The following TOP1 variants were observed in gnomAD, a reference collection of about 807,000 sequenced individuals.
The protein encoded by TOP1 is DNA topoisomerase I.
TOP1 carries 10 observed loss-of-function variants against 111.1 expected under a neutral mutation model. The ratio of observed to expected loss-of-function variants is 0.09; its 90% CI spans 0.06 to 0.15. The LOEUF is 0.15. Ranked by LOEUF, TOP1 falls within the 10% of genes least tolerant of loss-of-function variation. The pLI is 1.00. For synonymous variants in TOP1, 271 were observed against 302.9 expected (o/e 0.89, Z 1.10); for missense variants, 474 against 926.7 (o/e 0.51, Z 6.34).
rs1251572057 is a variant in TOP1 at position 41,080,863 on chromosome 20, AT to A, written c.432-294del. ...CTTTTATTTTTATTTATTTTATTTT[AT>A]TTTTTTTCCCAGACTTTCATCTGAT... On this transcript the variant is annotated intron_variant, in intron 6 of 20. Coordinates refer to ENST00000361337, the MANE Select transcript of TOP1 (RefSeq NM_003286.4). This position sits in a 1 kb window ranked among gnomAD's most constrained non-coding sequence, Gnocchi z 5.0. Among the ~76,000 whole-genome samples, 7 of 150,916 alleles carry A rather than the reference AT, an allele frequency of 4.6e-5. No homozygotes were observed. Among genetic ancestry groups the A allele is most frequent in the African/African-American group, 1.7e-4 (7 of 41,028 alleles).
Position 41,118,300 on chromosome 20 carries a change from T to C in TOP1, c.1950+4T>C, listed in dbSNP as rs904833859. 1 of 1,613,970 alleles carries C rather than the reference T, an allele frequency of 6.2e-7. No individual in the cohort carries two copies. Among genetic ancestry groups the C allele is most frequent in the African/African-American group, 1.3e-5 (1 of 75,030 alleles). ...TATGATGAACTTGCAAACTAAGGTA[T>C]CTTGGATAAAATGAAGGGAACTGTG... On this transcript the variant is annotated splice_donor_region_variant and intron_variant, in intron 18 of 20. Transcript: ENST00000361337. The surrounding 1 kb of genome is among the most constrained non-coding windows in gnomAD (Gnocchi z 4.6).
At position 41,121,130 on chromosome 20, in the gene TOP1, G is replaced by A. The variant is rs1048726662; in HGVS notation, c.1951-566G>A. Among the ~76,000 whole-genome samples the A allele has an allele frequency of 6.6e-6, 1 of 152,114 alleles. No homozygotes were observed. The highest frequency in any genetic ancestry group is 1.5e-5 in the Non-Finnish European group (1 of 68,022). Reference sequence around the variant, plus strand: ...ACTGGCTGAGCTGTTTGGCTTCCTGGGTGTCTTTTAATTGCCAGTTTGTAG... The same window carrying A: ...ACTGGCTGAGCTGTTTGGCTTCCTGAGTGTCTTTTAATTGCCAGTTTGTAG... On this transcript the variant is annotated intron_variant, in intron 18 of 20. Transcript: ENST00000361337. The surrounding 1 kb of genome is among the most constrained non-coding windows in gnomAD (Gnocchi z 4.2).
intron 18 of TOP1, among the ~76,000 whole-genome samples, chr20:41,119,984 G>A (rs1013631433): frequency 1.3e-5 from 2 of 152,310 alleles, no homozygotes; most frequent in South Asian, 4.1e-4. Flanking sequence ...TGTTGCTCTC[G>A]CTCTGGAACC....
At chr20:41,049,806 T>A (rs1200643112) in intron 2 of TOP1, among the ~76,000 whole-genome samples, 1 of 152,264 alleles carries the variant, frequency 6.6e-6, no homozygotes, top group African/African-American at 2.4e-5. Context: ...GAACTATTTA[T>A]ACTTGTCTGC....
chr20:41,031,446 A>C (rs2033118689), intron 2 of TOP1, among the ~76,000 whole-genome samples: 1 of 152,232 alleles, frequency 6.6e-6, no homozygotes, highest in East Asian at 1.9e-4. Flanking sequence ...AGTCACGTGA[A>C]TGATTGTGAG....
chr20:41,113,094 G>A (rs1350602517), intron 14 of TOP1, among the ~76,000 whole-genome samples, 169 bp downstream of exon 14: 21 of 152,206 alleles, frequency 1.4e-4, no homozygotes, highest in Admixed American at 2.6e-4. Flanking sequence ...CTTACTGTGA[G>A]CAGTAGATTC....
intron 4 of TOP1, 118 bp downstream of exon 4, chr20:41,076,412 CAGG>C: frequency 7.1e-7 from 1 of 1,399,428 alleles, no homozygotes; most frequent in Non-Finnish European, 9.5e-7. Context: ...GGTTTCTTGT[CAGG>C]AGAATTTAGA....
intron 11 of TOP1, among the ~76,000 whole-genome samples, chr20:41,099,291 A>C (rs1484537077): frequency 2.0e-5 from 3 of 152,178 alleles, no homozygotes; most frequent in African/African-American, 7.2e-5. Context: ...AAGTTAGTGA[A>C]ATTTAGTATA....
intron 2 of TOP1, among the ~76,000 whole-genome samples, chr20:41,055,184 G>A (rs1009856560): frequency 1.3e-5 from 2 of 152,202 alleles, no homozygotes; most frequent in Non-Finnish European, 2.9e-5. Context: ...TTACTAGAAA[G>A]CATTAGTTGG....
At chr20:41,041,305 C>A (rs575912020) in intron 2 of TOP1, among the ~76,000 whole-genome samples, 25 of 151,938 alleles carry the variant, frequency 1.6e-4, no homozygotes, top group Admixed American at 1.4e-3. Context: ...CAAAAATTAG[C>A]CAAGCATGGT....
intron 4 of TOP1, 64 bp from the exon 5 acceptor site, chr20:41,077,518 C>A: frequency 7.4e-7 from 1 of 1,352,580 alleles, no homozygotes; most frequent in Non-Finnish European, 1.1e-6. Context: ...TACATATTCT[C>A]AAAAAGAGGT....
At position 41,052,322 on chromosome 20, in the gene TOP1, G is replaced by A. The variant is rs117495447; in HGVS notation, c.59-9072G>A. Among the ~76,000 whole-genome samples, 30 of 152,246 alleles carry A rather than the reference G, an allele frequency of 2.0e-4. No homozygotes were observed. In the East Asian group the frequency reaches 5.2e-3, roughly 26 times the overall value. On this transcript the variant is annotated intron_variant, in intron 2 of 20. Transcript: ENST00000361337. ...CTCTATCACATTAGGGTTTGGTCAT[G>A]GTCTTTTGTGCTCATCATGTTTGAA...
In TOP1 at chr20:41,067,735, A is replaced by G. The variant is rs2145930258; in HGVS notation, c.155+6245A>G. Among the ~76,000 whole-genome samples, 1 of 152,346 alleles carries G rather than the reference A, an allele frequency of 6.6e-6. No homozygotes were observed. The highest frequency in any genetic ancestry group is 3.4e-3 in the Middle Eastern group (1 of 294). On this transcript the variant is annotated intron_variant, in intron 3 of 20. Transcript: ENST00000361337. This position sits in a 1 kb window ranked among gnomAD's most constrained non-coding sequence, Gnocchi z 4.0. ...AATCATTTGTCATCAGGCTATACTT[A>G]GGACCCAAGCCCAGGAGGCATTTAC...
At position 41,092,457 on chromosome 20, in the gene TOP1, C is replaced by T. The variant is rs2033931466; in HGVS notation, c.615-15C>T. On this transcript the variant is annotated splice_polypyrimidine_tract_variant and intron_variant, in intron 8 of 20. Coordinates refer to ENST00000361337, the MANE Select transcript of TOP1 (RefSeq NM_003286.4). This position sits in a 1 kb window ranked among gnomAD's most constrained non-coding sequence, Gnocchi z 4.3. ...AAGGCGATCACTAAATGAGGCTGTG[C>T]TTTGTCTTTTAAAGGTGGGAAGAAG... 2 of 1,376,182 alleles carry T rather than the reference C, an allele frequency of 1.5e-6. No homozygotes were observed. 85.2% of individuals were successfully genotyped at this position (1,376,182 alleles called of 1,614,324 possible). A position where few individuals can be genotyped will look rare whatever the true frequency, so the allele number is the denominator to read the frequency against.
intron 2 of TOP1, among the ~76,000 whole-genome samples, chr20:41,049,643 AT>A (rs1306236059): frequency 2.0e-5 from 3 of 152,076 alleles, no homozygotes; most frequent in Non-Finnish European, 4.4e-5. Flanking sequence ...TACTGTTGGG[AT>A]GGCGCGGTCA....
rs149854180 is a variant in TOP1 at position 41,045,474 on chromosome 20, C to T, written c.59-15920C>T. ...AGGCAGTTGTACGTTTTATTTGACC[C>T]CTTAGAGCTAAACAGGTGAAAATTT... On this transcript the variant is annotated intron_variant, in intron 2 of 20. Coordinates refer to ENST00000361337, the MANE Select transcript of TOP1 (RefSeq NM_003286.4). Among the ~76,000 whole-genome samples, 17 of 152,234 alleles carry T rather than the reference C, an allele frequency of 1.1e-4. No individual in the cohort carries two copies. The East Asian group carries it at 2.9e-3, about 26-fold the overall frequency.
chr20:41,087,622 C>T (rs1226892586), intron 8 of TOP1, among the ~76,000 whole-genome samples: 1 of 152,146 alleles, frequency 6.6e-6, no homozygotes, highest in African/African-American at 2.4e-5. Flanking sequence ...GGATTATTGA[C>T]ATTTTGCTCA....
At chr20:41,081,117 T>G in intron 6 of TOP1, 48 bp from the exon 7 acceptor site, 1 of 1,550,074 alleles carries the variant, frequency 6.5e-7, no homozygotes. Context: ...GAGTGAGAAC[T>G]CCTGAATCAT....
rs377378124 is a variant in TOP1, at chr20:41,040,234, G to A, written c.58+10779G>A. On this transcript the variant is annotated intron_variant, in intron 2 of 20. Coordinates refer to ENST00000361337, the MANE Select transcript of TOP1 (RefSeq NM_003286.4). ...ATAAAAGCTGTTAAAGCTCTTCAGA[G>A]AAAGATGCAGAGTACATAGTGGTAT... Among the ~76,000 whole-genome samples the A allele has an allele frequency of 3.5e-4, 54 of 152,332 alleles. 1 individual carries two copies. In the East Asian group the frequency reaches 4.8e-3, roughly 14 times the overall value.
Sources: allele counts gnomAD v4.1 joint callset (sites outside exome capture counted in the v4.1 genomes callset), GRCh38; gene constraint gnomAD v4.1.1; non-coding constraint Gnocchi (gnomAD v3.1); transcripts MANE v1.5; gene names NCBI Gene and HGNC (gene_info 2026-07-23, HGNC 2026-07-21).